The following RYR3 variants were observed in gnomAD, a reference collection of about 807,000 sequenced individuals.
RYR3 encodes the protein ryanodine receptor 3, also known as brain ryanodine receptor-calcium release channel.
RYR3 carries 207 observed loss-of-function variants against 584.3 expected under a neutral mutation model. The observed-to-expected ratio is 0.35, with a 90% CI of 0.32 to 0.40. The LOEUF (loss-of-function observed/expected upper bound fraction) is 0.40, where lower values mean the gene tolerates loss of function less well. Ranked by LOEUF, RYR3 falls within the 10% of genes least tolerant of loss-of-function variation. The pLI is 1.00. For missense variants in RYR3, 5,616 were observed against 6,089.2 expected, an observed-to-expected ratio of 0.92 and a Z score of 2.59; for synonymous variants, 2,416 against 2,248.5, an observed-to-expected ratio of 1.07 and a Z score of -2.11.
At chr15:33,401,944 A>G (rs1263499535) in intron 1 of RYR3, among the ~76,000 whole-genome samples, 3 of 152,218 alleles carry the variant, frequency 2.0e-5, no homozygotes, top group Non-Finnish European at 4.4e-5. Context: ...ATTAATTTCA[A>G]CAATGGCTTT....
chr15:33,848,456 TG>T, intron 94 of RYR3, 35 bp downstream of exon 94: 1 of 1,591,866 alleles, frequency 6.3e-7, no homozygotes, highest in Non-Finnish European at 8.5e-7. Context: ...AAAAAGGAGA[TG>T]GAGTCTCTAC....
chr15:33,345,099 T>A (rs1003388128), intron 1 of RYR3, among the ~76,000 whole-genome samples: 1 of 152,174 alleles, frequency 6.6e-6, no homozygotes, highest in Non-Finnish European at 1.5e-5. Flanking sequence ...TTTCTTTTCT[T>A]TTTCTTTTTT....
intron 76 of RYR3, 79 bp from the exon 77 acceptor site, chr15:33,819,673 CAAAA>C (rs1220345244): frequency 9.6e-6 from 5 of 518,478 alleles, no homozygotes; most frequent in Non-Finnish European, 1.3e-5. Context: ...AACTCTGTCT[CAAAA>C]ATAAATAAAT....
In RYR3 at chr15:33,572,686, C is replaced by CAT. The variant is rs1567567001; in HGVS notation, c.1268+5888_1268+5889insTA. ...ACACACACACACACACACACACACA[C>CAT]ACACTGGGCTGGGCACAATGGCTCA... On this transcript the variant is annotated intron_variant, in intron 12 of 103. Coordinates refer to ENST00000634891, the MANE Select transcript of RYR3 (RefSeq NM_001036.6). Among the ~76,000 whole-genome samples, 6 of 112,186 alleles carry CAT rather than the reference C, an allele frequency of 5.3e-5. No homozygotes were observed. The East Asian group carries it at 9.3e-4, about 17-fold the overall frequency. 73.6% of individuals were successfully genotyped at this position (112,186 alleles called of 152,430 possible).
chr15:33,341,472 A>G (rs1404817533), intron 1 of RYR3, among the ~76,000 whole-genome samples: 2 of 152,230 alleles, frequency 1.3e-5, no homozygotes, highest in East Asian at 1.9e-4. Context: ...TCATTCTAAT[A>G]TTAAATTTAT....
intron 1 of RYR3, among the ~76,000 whole-genome samples, chr15:33,348,981 T>C (rs1306238323): frequency 2.0e-5 from 3 of 152,110 alleles, no homozygotes; most frequent in Non-Finnish European, 4.4e-5. Flanking sequence ...CTCTATAGTT[T>C]GCCATTTCCG....
At chr15:33,708,701 A>G (rs2066889123) in intron 43 of RYR3, among the ~76,000 whole-genome samples, 1 of 152,256 alleles carries the variant, frequency 6.6e-6, no homozygotes, top group Non-Finnish European at 1.5e-5. Flanking sequence ...AAGAAATAGC[A>G]CTTGAATATA....
At chr15:33,786,282 T>C (rs1368541023) in intron 66 of RYR3, among the ~76,000 whole-genome samples, 1 of 152,176 alleles carries the variant, frequency 6.6e-6, no homozygotes, top group Admixed American at 6.5e-5. Context: ...ATTTTGGTAC[T>C]CAAGAATCCC....
In RYR3 at chr15:33,785,857, C is replaced by T. The variant is rs1596575937; in HGVS notation, c.9464C>T (p.Pro3155Leu). 3 of 1,613,916 alleles carry T rather than the reference C, an allele frequency of 1.9e-6. No individual in the cohort carries two copies. The highest frequency in any genetic ancestry group is 8.5e-7 in the Non-Finnish European group (1 of 1,179,860). Reference sequence around the variant, plus strand: ...GAGCGGGGTCCTGAGAACCTGCCCCCCAGCACAGGGCCATGCTGCACCAAG... The same window carrying T: ...GAGCGGGGTCCTGAGAACCTGCCCCTCAGCACAGGGCCATGCTGCACCAAG... ...WWERGPENLP[P>L]STGPCCTKVT... Residue 3155 changes from proline to leucine, a missense_variant, in exon 66 of 104, where the codon CCC (proline) becomes CTC (leucine). Transcript: ENST00000634891.
chr15:33,668,589 A>G (rs960776945), intron 36 of RYR3, among the ~76,000 whole-genome samples: 3 of 152,242 alleles, frequency 2.0e-5, no homozygotes, highest in African/African-American at 7.2e-5. Context: ...TTAAAGCAAC[A>G]GGGATAGGAC....
intron 1 of RYR3, among the ~76,000 whole-genome samples, chr15:33,442,165 C>T (rs987468650): frequency 2.0e-5 from 3 of 152,116 alleles, no homozygotes; most frequent in African/African-American, 7.2e-5. Context: ...ATTATGTATC[C>T]CTCACATTTC....
intron 25 of RYR3, 147 bp downstream of exon 25, chr15:33,634,880 T>A (rs994626097): frequency 1.5e-6 from 1 of 680,070 alleles, no homozygotes; most frequent in Non-Finnish European, 2.5e-6. Flanking sequence ...TGATTTTTTT[T>A]ATTGTTATCG....
chr15:33,862,573 A>G (rs1298194770), intron 102 of RYR3, among the ~76,000 whole-genome samples: 1 of 152,194 alleles, frequency 6.6e-6, no homozygotes, highest in Non-Finnish European at 1.5e-5. Flanking sequence ...TGGCAAAGAT[A>G]ACATGTTTTT....
In RYR3 at chr15:33,660,348, G is replaced by A. The variant is rs201161868; in HGVS notation, c.4547G>A (p.Ser1516Asn). 257 of 1,592,592 alleles carry A rather than the reference G, an allele frequency of 1.6e-4. No homozygotes were observed. The highest frequency in any genetic ancestry group is 8.2e-4 in the Middle Eastern group (5 of 6,068). Residue 1516 changes from serine (S) to asparagine (N), a missense_variant, in exon 34 of 104, where the codon AGC becomes AAC. Ser to Asn is a conservative substitution (Grantham distance 46). Transcript: ENST00000634891. Reference protein sequence around the residue: ...SFLKVETERVSERHGWVVQCL... With the variant: ...SFLKVETERVNERHGWVVQCL... ...CTGAAGGTGGAGACCGAGCGTGTGA[G>A]CGAGCGCCACGGCTGGGTGGTGCAG...
chr15:33,535,164 CAAAG>C (rs1377671018), intron 5 of RYR3, among the ~76,000 whole-genome samples: 2 of 152,066 alleles, frequency 1.3e-5, no homozygotes, highest in East Asian at 3.9e-4. Context: ...GTTGGGTAGC[CAAAG>C]AAAGACAAGA....
chr15:33,777,001 C>T (rs994233369), intron 64 of RYR3, among the ~76,000 whole-genome samples: 2 of 152,216 alleles, frequency 1.3e-5, no homozygotes, highest in African/African-American at 4.8e-5. Context: ...CGAGCCTGGG[C>T]AACCTGGCAA....
chr15:33,498,101 A>T (rs750376845), intron 2 of RYR3, among the ~76,000 whole-genome samples: 6 of 151,974 alleles, frequency 3.9e-5, no homozygotes, highest in Non-Finnish European at 8.8e-5. Flanking sequence ...CATTTTCTTT[A>T]TCCATTTATT....
At chr15:33,658,272 G>A (rs1437238124) in intron 32 of RYR3, among the ~76,000 whole-genome samples, 1 of 152,124 alleles carries the variant, frequency 6.6e-6, no homozygotes. Flanking sequence ...TAGAACTGAG[G>A]TCCTGTTTTC....
At chr15:33,494,937 C>T (rs952733965) in intron 2 of RYR3, among the ~76,000 whole-genome samples, 1 of 152,128 alleles carries the variant, frequency 6.6e-6, no homozygotes, top group Admixed American at 6.5e-5. Context: ...TGAATATATA[C>T]ACATTTAAAA....
Sources: allele counts gnomAD v4.1 joint callset (sites outside exome capture counted in the v4.1 genomes callset), GRCh38; gene constraint gnomAD v4.1.1; transcripts MANE v1.5; gene names NCBI Gene and HGNC (gene_info 2026-07-23, HGNC 2026-07-21).